Variants in UBE3D observed in about 807,000 individuals in gnomAD.
UBE3D encodes E3 ubiquitin-protein ligase E3D.
Under a neutral mutation model 49.6 loss-of-function variants are expected in UBE3D, and 48 were observed. The observed-to-expected ratio is 0.97, with a 90% CI of 0.77 to 1.23. The LOEUF (loss-of-function observed/expected upper bound fraction) is 1.23, where lower values mean the gene tolerates loss of function less well. Ranked by LOEUF, UBE3D falls within the 50% of genes most tolerant of loss-of-function variation. The probability of loss-of-function intolerance (pLI) is 0.00; values close to 1 mark genes in which losing one functional copy is unlikely to be tolerated. For missense variants in UBE3D, 452 were observed against 468.4 expected, an observed-to-expected ratio of 0.96 and a Z score of 0.32; for synonymous variants, 189 against 174.2, an observed-to-expected ratio of 1.08 and a Z score of -0.67.
At chr6:82,900,134 T>C (rs1344312666) in intron 9 of UBE3D, among the ~76,000 whole-genome samples, 1 of 152,044 alleles carries the variant, frequency 6.6e-6, no homozygotes, top group Non-Finnish European at 1.5e-5. Context: ...TGGCCTAGAG[T>C]GGTGTTTTGA....
At chr6:82,938,795 T>G (rs902292084) in intron 9 of UBE3D, 1 of 152,182 alleles carries the variant, frequency 6.6e-6, no homozygotes, top group Admixed American at 6.5e-5. Context: ...TCAGGGCTAT[T>G]GAATCGGAAT....
Position 83,003,829 on chromosome 6 carries a change from C to T in UBE3D, c.1010+15144G>A, listed in dbSNP as rs148569575. On this transcript the variant is annotated intron_variant, in intron 8 of 9. Transcript: ENST00000369747. ...TGTCACTGTGCAGTTCATGACTGTA[C>T]TTACAAGTCTAAAGGAGATATTTGC... 2.7e-4 allele frequency among the ~76,000 whole-genome samples: 41 copies of T among 152,236 alleles called. No individual in the cohort carries two copies. In the East Asian group the frequency reaches 7.3e-3, roughly 27 times the overall value.
chr6:83,013,101 C>G (rs944372085), intron 8 of UBE3D, among the ~76,000 whole-genome samples: 2 of 152,122 alleles, frequency 1.3e-5, no homozygotes, highest in Non-Finnish European at 2.9e-5. Context: ...AGGACCTGCT[C>G]GAGCCCAATC....
chr6:82,961,483 T>C (rs1330908144), intron 8 of UBE3D, among the ~76,000 whole-genome samples: 1 of 152,202 alleles, frequency 6.6e-6, no homozygotes, highest in Non-Finnish European at 1.5e-5. Flanking sequence ...GTTAAGTGAT[T>C]GTCCAACATC....
At chr6:82,965,573 A>C (rs374227969) in intron 8 of UBE3D, among the ~76,000 whole-genome samples, 24 of 136,850 alleles carry the variant, frequency 1.8e-4, no homozygotes, top group African/African-American at 5.6e-4. Flanking sequence ...ACAAGAGCGA[A>C]ACTCCATCTC....
At chr6:83,032,789 G>C (rs1255013213) in intron 5 of UBE3D, among the ~76,000 whole-genome samples, 1 of 152,088 alleles carries the variant, frequency 6.6e-6, no homozygotes, top group African/African-American at 2.4e-5. Flanking sequence ...TCCTGTTCTT[G>C]TGATAGTGAA....
At chr6:83,046,423 A>G (rs186512575) in intron 3 of UBE3D, among the ~76,000 whole-genome samples, 1 of 152,258 alleles carries the variant, frequency 6.6e-6, no homozygotes, top group East Asian at 1.9e-4. Context: ...AAATTAGTAT[A>G]TGCTGCACCA....
intron 8 of UBE3D, among the ~76,000 whole-genome samples, chr6:82,985,695 G>T (rs571944446): frequency 8.5e-5 from 13 of 152,160 alleles, no homozygotes; most frequent in African/African-American, 3.1e-4. Flanking sequence ...TGATCTATTT[G>T]AAATGGATCC....
chr6:82,910,583 C>T (rs1772428388), intron 9 of UBE3D, among the ~76,000 whole-genome samples: 1 of 152,112 alleles, frequency 6.6e-6, no homozygotes, highest in South Asian at 2.1e-4. Flanking sequence ...AAGTTGAGAC[C>T]AAGGTGCCAC....
chr6:83,010,597 G>A (rs1780268262), intron 8 of UBE3D, among the ~76,000 whole-genome samples: 3 of 152,102 alleles, frequency 2.0e-5, no homozygotes, highest in Admixed American at 6.6e-5. Context: ...TACATATAAA[G>A]GGGAGTTTAT....
At position 83,038,400 on chromosome 6, in the gene UBE3D, G is replaced by T. The variant is rs773062216; in HGVS notation, c.667+16C>A. On this transcript the variant is annotated intron_variant, in intron 5 of 9. Coordinates refer to ENST00000369747, the MANE Select transcript of UBE3D (RefSeq NM_198920.3). ...AAGAAGCCAATCATTTTGGCTTCTT[G>T]TTATGAAATTCTTACCTGATGACAC... 6 of 1,606,068 alleles carry T rather than the reference G, an allele frequency of 3.7e-6. No homozygotes were observed. In the East Asian group the frequency reaches 1.3e-4, roughly 36 times the overall value.
intron 2 of UBE3D, among the ~76,000 whole-genome samples, chr6:83,056,349 G>A (rs955712380): frequency 6.6e-6 from 1 of 152,034 alleles, no homozygotes; most frequent in African/African-American, 2.4e-5. Flanking sequence ...TTCCTGCTGT[G>A]GTTACTCTTG....
chr6:82,907,884 A>C (rs141020002), intron 9 of UBE3D, among the ~76,000 whole-genome samples: 2,624 of 152,324 alleles, frequency 0.017, 33 homozygotes, highest in African/African-American at 0.031. Flanking sequence ...AGATTTTACC[A>C]GAATATTTAC....
At chr6:82,892,279 T>G (rs1328391221), downstream of UBE3D, 2 of 152,256 alleles carry the variant, frequency 1.3e-5, no homozygotes, top group Non-Finnish European at 2.9e-5. Flanking sequence ...AAACGTTCCT[T>G]GTGAAATTAG....
At chr6:83,064,141 A>C (rs1005471501) in intron 1 of UBE3D, among the ~76,000 whole-genome samples, 1 of 152,282 alleles carries the variant, frequency 6.6e-6, no homozygotes, top group African/African-American at 2.4e-5. Context: ...GAAACAAAAA[A>C]GTATATATTG....
At chr6:82,887,389 G>GTTTTTGTTTTGTTTTT in the UBE3D span, among the ~76,000 whole-genome samples, 265 of 98,290 alleles carry the variant, frequency 2.7e-3, 9 homozygotes, top group African/African-American at 0.012. Context: ...GACAGTAACA[G>GTTTTTGTTTTGTTTTT]TTTTTTTTTT....
chr6:82,896,738 T>G, intron 9 of UBE3D, among the ~76,000 whole-genome samples: 1 of 150,640 alleles, frequency 6.6e-6, no homozygotes, highest in South Asian at 2.1e-4. Flanking sequence ...TATCCTCTGT[T>G]TTGTCTTTTC....
At chr6:82,962,896 C>A (rs937452974) in intron 8 of UBE3D, among the ~76,000 whole-genome samples, 2 of 152,080 alleles carry the variant, frequency 1.3e-5, no homozygotes, top group Non-Finnish European at 2.9e-5. Context: ...ATAATTTGAG[C>A]AATCTTATTT....
chr6:82,983,917 T>A (rs1159052305), intron 8 of UBE3D, among the ~76,000 whole-genome samples: 1 of 152,182 alleles, frequency 6.6e-6, no homozygotes, highest in Non-Finnish European at 1.5e-5. Flanking sequence ...CTACATGCAC[T>A]TAAGTTCATT....
Sources: allele counts gnomAD v4.1 joint callset (sites outside exome capture counted in the v4.1 genomes callset), GRCh38; gene constraint gnomAD v4.1.1; transcripts MANE v1.5; gene names NCBI Gene and HGNC (gene_info 2026-07-23, HGNC 2026-07-21).